The following ZFP64 variants were observed in gnomAD, a reference collection of about 807,000 sequenced individuals.
The protein encoded by ZFP64 is ZFP64 zinc finger protein.
Under a neutral mutation model 51.6 loss-of-function variants are expected in ZFP64, and 14 were observed. That is an observed-to-expected ratio of 0.27 (90% CI 0.18 to 0.42). The LOEUF (loss-of-function observed/expected upper bound fraction) is 0.42, where lower values mean the gene tolerates loss of function less well. ZFP64 is among the 10% of genes least tolerant of loss of function. ZFP64 has a pLI of 1.00. For synonymous variants in ZFP64, 375 were observed against 361.4 expected (o/e 1.04, Z -0.43); for missense variants, 754 against 906.8 (o/e 0.83, Z 2.16).
At chr20:52,101,675 C>T (rs901856074) in intron 5 of ZFP64, among the ~76,000 whole-genome samples, 2 of 152,090 alleles carry the variant, frequency 1.3e-5, no homozygotes, top group Admixed American at 1.3e-4. Flanking sequence ...CTCAAAAGTG[C>T]TGGGATTACA....
At chr20:52,100,871 T>C (rs1407004495) in intron 5 of ZFP64, among the ~76,000 whole-genome samples, 1 of 152,200 alleles carries the variant, frequency 6.6e-6, no homozygotes, top group Non-Finnish European at 1.5e-5. Flanking sequence ...CTCAGTACAG[T>C]GTCATCTGAG....
intron 2 of ZFP64, among the ~76,000 whole-genome samples, chr20:52,177,426 T>C (rs1019937366): frequency 3.3e-5 from 5 of 152,000 alleles, no homozygotes; most frequent in African/African-American, 9.7e-5. Context: ...GGCAAAGCCA[T>C]GTGTCCCAGT....
intron 5 of ZFP64, among the ~76,000 whole-genome samples, chr20:52,120,860 A>C (rs1259512888): frequency 1.3e-5 from 2 of 151,578 alleles, no homozygotes; most frequent in African/African-American, 4.8e-5. Context: ...TATTTTTAGT[A>C]CAGATGGGGT....
intron 5 of ZFP64, among the ~76,000 whole-genome samples, chr20:52,101,053 G>C (rs866523329): frequency 2.6e-5 from 4 of 152,238 alleles, no homozygotes; most frequent in Admixed American, 6.5e-5. Flanking sequence ...CAATTGTCAT[G>C]ATTCTGTTTG....
intron 5 of ZFP64, among the ~76,000 whole-genome samples, chr20:52,131,275 G>C (rs1229414027): frequency 2.0e-5 from 3 of 151,048 alleles, no homozygotes; most frequent in African/African-American, 7.3e-5. Flanking sequence ...AAAAGAGAGA[G>C]AAGAAAGAAA....
At chr20:52,175,655 G>A (rs1382472039) in intron 2 of ZFP64, among the ~76,000 whole-genome samples, 2 of 152,098 alleles carry the variant, frequency 1.3e-5, no homozygotes, top group African/African-American at 4.8e-5. Flanking sequence ...GACCAGCCTG[G>A]CCAACATGGT....
At chr20:52,087,683 C>T (rs1242958535) in intron 8 of ZFP64, among the ~76,000 whole-genome samples, 1 of 152,214 alleles carries the variant, frequency 6.6e-6, no homozygotes, top group Admixed American at 6.5e-5. Context: ...GCAGTTTTGC[C>T]AGGCCTTGGC....
chr20:52,091,969 A>C (rs796126679), intron 7 of ZFP64, among the ~76,000 whole-genome samples: 13 of 152,110 alleles, frequency 8.5e-5, no homozygotes, highest in African/African-American at 2.9e-4. Context: ...CAGCCTGGGC[A>C]ACAAGAGCGA....
intron 2 of ZFP64, among the ~76,000 whole-genome samples, chr20:52,173,975 C>A (rs1982967284): frequency 6.6e-6 from 1 of 152,098 alleles, no homozygotes; most frequent in Non-Finnish European, 1.5e-5. Context: ...TTATACAAAG[C>A]TCCTATCGCT....
At position 52,152,232 on chromosome 20, in the gene ZFP64, G is replaced by A. The variant is rs1213407736; in HGVS notation, c.1960C>T (p.Gln654Ter). ...GAGTAGGTCTGCTTGGGTAGTTCTT[G>A]CTGGGAAGAGGAGGAGAAGACCGGT... ...APPVFSSSSQQELPKQTYSII... is the reference protein window; with the variant it reads ...APPVFSSSSQ Residue 654 changes from glutamine to a stop codon, truncating the protein, a stop_gained, in exon 6 of 6, where the codon CAA (glutamine) becomes TAA (stop). Coordinates refer to ENST00000216923, the MANE Select transcript of ZFP64 (RefSeq NM_018197.3). LOFTEE classifies it high-confidence loss of function. 1 of 1,614,144 alleles carries A rather than the reference G, an allele frequency of 6.2e-7. No homozygotes were observed. The highest frequency in any genetic ancestry group is 1.1e-5 in the South Asian group (1 of 91,076).
Position 52,142,392 on chromosome 20 carries a change from A to ACGTG in ZFP64, c.763+17730_763+17731insCACG, listed in dbSNP as rs780133845. Reference sequence around the variant, plus strand: ...CACACACACAGACACACACACACACACACACACACACACACACACACACAC... The same window carrying ACGTG: ...CACACACACAGACACACACACACACACGTGCACACACACACACACACACACACAC... On this transcript the variant is annotated intron_variant, in intron 5 of 8. Transcript: ENST00000361387. Among the ~76,000 whole-genome samples, 259 of 108,416 alleles carry ACGTG rather than the reference A, an allele frequency of 2.4e-3. 1 individual carries two copies. The highest frequency in any genetic ancestry group is 7.3e-3 in the African/African-American group (244 of 33,400). The allele number at this position is 108,416 out of a possible 152,430, so 71.1% of individuals were successfully genotyped here. A position where few individuals can be genotyped will look rare whatever the true frequency, so the allele number is the denominator to read the frequency against.
intron 5 of ZFP64, among the ~76,000 whole-genome samples, chr20:52,112,671 G>C (rs915566671): frequency 1.3e-4 from 20 of 151,650 alleles, no homozygotes; most frequent in African/African-American, 4.8e-4. Flanking sequence ...CTGGAGTGCA[G>C]TGGCGTGATG....
chr20:52,136,640 A>G (rs1979996944), intron 5 of ZFP64, among the ~76,000 whole-genome samples: 1 of 152,218 alleles, frequency 6.6e-6, no homozygotes, highest in African/African-American at 2.4e-5. Context: ...CATAAAGAAT[A>G]TATAAGCTAA....
At chr20:52,159,774 G>C (rs761625066) in intron 5 of ZFP64, among the ~76,000 whole-genome samples, 1 of 152,168 alleles carries the variant, frequency 6.6e-6, no homozygotes, top group Non-Finnish European at 1.5e-5. Flanking sequence ...ACCACTTGAG[G>C]TCAATAGTTC....
At chr20:52,144,504 C>T (rs1193940896) in intron 5 of ZFP64, among the ~76,000 whole-genome samples, 6 of 131,636 alleles carry the variant, frequency 4.6e-5, no homozygotes, top group South Asian at 4.8e-4. Context: ...CGCTTGAATT[C>T]GAGAGGTGGA....
intron 5 of ZFP64, among the ~76,000 whole-genome samples, chr20:52,156,841 CA>C (rs2122979609): frequency 6.6e-6 from 1 of 152,284 alleles, no homozygotes; most frequent in South Asian, 2.1e-4. Context: ...AAATGTACAT[CA>C]TGAGTTTTGG....
At chr20:52,105,062 C>T (rs1978300079) in intron 5 of ZFP64, 1 of 1,392,012 alleles carries the variant, frequency 7.2e-7, no homozygotes, top group African/African-American at 1.5e-5. Context: ...TCCTCGTACC[C>T]GCGCGGGTCC....
chr20:52,127,308 A>AT (rs1461311670), intron 5 of ZFP64, among the ~76,000 whole-genome samples: 1,730 of 144,674 alleles, frequency 0.012, 45 homozygotes, highest in African/African-American at 0.04. Flanking sequence ...TAAAGGGAAG[A>AT]TTTTTTTTTT....
chr20:52,178,942 C>G lies in ZFP64; in HGVS notation c.286+7890G>C, dbSNP rs576512237. On this transcript the variant is annotated intron_variant, in intron 2 of 5. Transcript: ENST00000216923. Reference sequence around the variant, plus strand: ...TGGAATTCTCCAAGGGCAAGCATCTCCATTATCTGAGTTCCATCATTTGCC... The same window carrying G: ...TGGAATTCTCCAAGGGCAAGCATCTGCATTATCTGAGTTCCATCATTTGCC... Among the ~76,000 whole-genome samples, 4 of 152,248 alleles carry G rather than the reference C, an allele frequency of 2.6e-5. No individual in the cohort carries two copies. In the South Asian group the frequency reaches 8.3e-4, roughly 32 times the overall value.
Sources: gnomAD v4.1 joint callset for allele counts (sites outside exome capture counted in the v4.1 genomes callset) on GRCh38, gnomAD v4.1.1 for gene constraint, MANE v1.5 for transcripts, NCBI Gene and HGNC (gene_info 2026-07-23, HGNC 2026-07-21) for gene names.